ARL6: variants seen among roughly 807,000 people sequenced by gnomAD.
ARL6 encodes ADP-ribosylation factor-like protein 6.
Under a neutral mutation model 27.1 loss-of-function variants are expected in ARL6, and 18 were observed. That is an observed-to-expected ratio of 0.66 (90% CI 0.46 to 0.98). ARL6 has a LOEUF of 0.98. ARL6 is among the 50% of genes least tolerant of loss of function. The pLI, the probability that ARL6 is intolerant of heterozygous loss-of-function variation, is 0.00. For synonymous variants in ARL6, 65 were observed against 72.3 expected (o/e 0.90, Z 0.51); for missense variants, 187 against 214.9 (o/e 0.87, Z 0.81).
At chr3:97,787,840 G>A (rs2037532381) in intron 5 of ARL6, 150 bp from the exon 6 acceptor site, 2 of 770,488 alleles carry the variant, frequency 2.6e-6, no homozygotes, top group African/African-American at 1.7e-5. Context: ...ATGCCTAACA[G>A]TGTGACAGTA....
chr3:97,772,070 C>T (rs1470958217), intron 2 of ARL6, among the ~76,000 whole-genome samples: 3 of 151,968 alleles, frequency 2.0e-5, no homozygotes, highest in African/African-American at 7.3e-5. Context: ...GTTTCCTTCT[C>T]TTTACTTTTT....
At chr3:97,797,816 A>T (rs538145888) in intron 7 of ARL6, among the ~76,000 whole-genome samples, 296 of 152,294 alleles carry the variant, frequency 1.9e-3, no homozygotes, top group African/African-American at 7.0e-3. Flanking sequence ...CAACTACTAG[A>T]GAGGTTCAGG....
intron 5 of ARL6, among the ~76,000 whole-genome samples, chr3:97,786,406 A>G (rs1323846560): frequency 6.6e-6 from 1 of 152,132 alleles, no homozygotes; most frequent in African/African-American, 2.4e-5. Context: ...TCTTCCTTTC[A>G]TATTAATCTT....
At chr3:97,782,333 T>C (rs920989861) in intron 4 of ARL6, among the ~76,000 whole-genome samples, 1 of 152,008 alleles carries the variant, frequency 6.6e-6, no homozygotes, top group Non-Finnish European at 1.5e-5. Context: ...AAGTAAACTT[T>C]GTTTTTATTT....
At chr3:97,792,937 CA>C (rs1394487678) in intron 7 of ARL6, among the ~76,000 whole-genome samples, 2 of 152,010 alleles carry the variant, frequency 1.3e-5, no homozygotes, top group African/African-American at 4.8e-5. Flanking sequence ...TTCTTCTACA[CA>C]AACCTTTTAA....
At chr3:97,771,477 A>C (rs1266181966) in intron 2 of ARL6, among the ~76,000 whole-genome samples, 1 of 151,986 alleles carries the variant, frequency 6.6e-6, no homozygotes, top group African/African-American at 2.4e-5. Context: ...AATTTGAGTT[A>C]TTTCTTTCCA....
intron 2 of ARL6, among the ~76,000 whole-genome samples, chr3:97,779,927 T>TGCCACAA (rs2037103354): frequency 6.6e-6 from 1 of 151,966 alleles, no homozygotes; most frequent in South Asian, 2.1e-4. Flanking sequence ...CTTGGTAGCA[T>TGCCACAA]GCCACAAGCC....
At chr3:97,775,315 A>G (rs1000438810) in intron 2 of ARL6, among the ~76,000 whole-genome samples, 1 of 152,212 alleles carries the variant, frequency 6.6e-6, no homozygotes, top group Non-Finnish European at 1.5e-5. Context: ...GAGTCCCACA[A>G]TATACCATCT....
At chr3:97,791,905 T>C (rs1431770898) in intron 7 of ARL6, 79 bp downstream of exon 7, 3 of 1,235,354 alleles carry the variant, frequency 2.4e-6, no homozygotes, top group Non-Finnish European at 3.4e-6. Flanking sequence ...CATTTTATTT[T>C]ATTATATCAT....
In ARL6 at chr3:97,780,178, T is replaced by C; in HGVS notation, c.143T>C (p.Leu48Pro). ...KPSNAQSQNI[L>P]PTIGFSIEKF... Reference sequence around the variant, plus strand: ...TTAAAGGCTCAATCTCAAAATATCCTTCCAACAATAGGATTCAGCATAGAG... The same window carrying C: ...TTAAAGGCTCAATCTCAAAATATCCCTCCAACAATAGGATTCAGCATAGAG... Residue 48 changes from leucine to proline, a missense_variant, in exon 3 of 8, where the codon CTT becomes CCT. Transcript: ENST00000463745. 6.2e-7 allele frequency: 1 copy of C among 1,613,100 alleles called. No homozygotes were observed. Among genetic ancestry groups the C allele is most frequent in the Non-Finnish European group, 8.5e-7 (1 of 1,179,290 alleles).
Position 97,765,211 on chromosome 3 carries a change from G to GGTGTGTGTGTGTGT in ARL6, c.-28+261_-28+274dup, listed in dbSNP as rs71113866. On this transcript the variant is annotated intron_variant, in intron 1 of 7. Coordinates refer to ENST00000463745, the MANE Select transcript of ARL6 (RefSeq NM_001278293.3). ...GCTCAACTTAGACCCGTGTATTGGG[G>GGTGTGTGTGTGTGT]GTGTGTGTGTGTGTGTGTGTGTGTG... Among the ~76,000 whole-genome samples, 367 of 105,590 alleles carry GGTGTGTGTGTGTGT rather than the reference G, an allele frequency of 3.5e-3. 2 individuals are homozygous for GGTGTGTGTGTGTGT. Among genetic ancestry groups the GGTGTGTGTGTGTGT allele is most frequent in the Non-Finnish European group, 5.7e-3 (258 of 44,906 alleles). 69.3% of individuals were successfully genotyped at this position (105,590 alleles called of 152,430 possible).
At chr3:97,779,629 G>A (rs2037082860) in intron 2 of ARL6, among the ~76,000 whole-genome samples, 1 of 152,142 alleles carries the variant, frequency 6.6e-6, no homozygotes, top group African/African-American at 2.4e-5. Context: ...CACTTTGGGA[G>A]CCCAGGGCGG....
In ARL6 at chr3:97,777,057, G is replaced by A. The variant is rs191428923; in HGVS notation, c.124-3102G>A. On this transcript the variant is annotated intron_variant, in intron 2 of 7. Coordinates refer to ENST00000463745, the MANE Select transcript of ARL6 (RefSeq NM_001278293.3). ...TTATTAAATTTCTCCCATTATAAAC[G>A]AGCATAGATTTTTCTCTTCTTCAGC... is the stretch of plus-strand genomic sequence containing the variant. Among the ~76,000 whole-genome samples, 9 of 152,260 alleles carry A rather than the reference G, an allele frequency of 5.9e-5. No homozygotes were observed. The South Asian group carries it at 1.7e-3, about 28-fold the overall frequency.
At chr3:97,794,247 T>C (rs2037889857) in intron 7 of ARL6, among the ~76,000 whole-genome samples, 2 of 151,298 alleles carry the variant, frequency 1.3e-5, no homozygotes, top group African/African-American at 4.9e-5. Context: ...CTCTTGTCTC[T>C]TGTCACCCAG....
At chr3:97,788,315 G>T (rs895514583) in intron 6 of ARL6, among the ~76,000 whole-genome samples, 196 bp downstream of exon 6, 13 of 151,770 alleles carry the variant, frequency 8.6e-5, no homozygotes, top group East Asian at 3.9e-4. Context: ...TCAAATTTTT[G>T]GGGGGATAGG....
chr3:97,791,782 C>T lies in ARL6; in HGVS notation c.491C>T (p.Ala164Val). 6.2e-6 allele frequency: 10 copies of T among 1,613,554 alleles called. No individual in the cohort carries two copies. Among genetic ancestry groups the T allele is most frequent in the Non-Finnish European group, 8.5e-6 (10 of 1,179,692 alleles). Residue 164 changes from alanine (A) to valine (V), a missense_variant, in exon 7 of 8, where the codon GCC (alanine) becomes GTC (valine). Ala to Val is a moderately conservative substitution (Grantham distance 64, BLOSUM62 0). Coordinates refer to ENST00000463745, the MANE Select transcript of ARL6 (RefSeq NM_001278293.3). ...DKPWHICASDAIKGEGLQEGV... is the reference protein window; with the variant it reads ...DKPWHICASDVIKGEGLQEGV... The stretch of plus-strand genomic sequence containing the variant: ...GGATTTCATTTCAGTGCTAGTGATG[C>T]CATAAAAGGAGAAGGCTTGCAAGAA...
chr3:97,780,361 T>C (rs2037130226), intron 3 of ARL6, 141 bp downstream of exon 3: 2 of 759,492 alleles, frequency 2.6e-6, no homozygotes, highest in South Asian at 1.9e-5. Context: ...CTAACCACTA[T>C]GGCTGGTTTA....
intron 5 of ARL6, among the ~76,000 whole-genome samples, chr3:97,787,617 C>T (rs1401446034): frequency 1.3e-5 from 2 of 152,074 alleles, no homozygotes; most frequent in Admixed American, 1.3e-4. Flanking sequence ...TAAATAAGTT[C>T]CCAGTTTCTT....
At chr3:97,769,802 C>A (rs1168463606) in intron 2 of ARL6, among the ~76,000 whole-genome samples, 1 of 152,040 alleles carries the variant, frequency 6.6e-6, no homozygotes, top group Admixed American at 6.6e-5. Flanking sequence ...CTTTCTGGAC[C>A]TGGCTTATTT....
Sources: gnomAD v4.1 joint callset for allele counts (sites outside exome capture counted in the v4.1 genomes callset) on GRCh38, gnomAD v4.1.1 for gene constraint, MANE v1.5 for transcripts, NCBI Gene and HGNC (gene_info 2026-07-23, HGNC 2026-07-21) for gene names.